Variants in MICU1 observed in about 807,000 individuals in gnomAD.
MICU1 encodes calcium uptake protein 1, mitochondrial.
MICU1 carries 45 observed loss-of-function variants against 56.8 expected under a neutral mutation model. The ratio of observed to expected loss-of-function variants is 0.79; its 90% confidence interval spans 0.62 to 1.02. The LOEUF is 1.02. Among genes scored for constraint, MICU1 ranks in the 50% least tolerant of loss-of-function variants. MICU1 has a pLI of 0.00. For synonymous variants in MICU1, 186 were observed against 195.1 expected (o/e 0.95, Z 0.39); for missense variants, 504 against 587.1 (o/e 0.86, Z 1.46).
intron 3 of MICU1, among the ~76,000 whole-genome samples, chr10:72,558,065 G>A (rs2132457985): frequency 6.6e-6 from 1 of 152,300 alleles, no homozygotes; most frequent in Admixed American, 6.5e-5. Context: ...TGCAGGCAAA[G>A]CTATCAGAAA....
At chr10:72,496,709 T>C (rs891686724) in intron 6 of MICU1, among the ~76,000 whole-genome samples, 1 of 152,310 alleles carries the variant, frequency 6.6e-6, no homozygotes, top group Admixed American at 6.5e-5. Context: ...GTGCTGGGAT[T>C]ACAGGCGTGA....
intron 10 of MICU1, among the ~76,000 whole-genome samples, chr10:72,399,183 A>C (rs1863365837): frequency 6.6e-6 from 1 of 152,172 alleles, no homozygotes; most frequent in Non-Finnish European, 1.5e-5. Flanking sequence ...AAAGATGGAA[A>C]CCATCATTCT....
chr10:72,585,994 ATTTTTTCTTTTT>A (rs1206044452), intron 1 of MICU1, among the ~76,000 whole-genome samples: 109 of 100,176 alleles, frequency 1.1e-3, no homozygotes, highest in African/African-American at 3.2e-3. Context: ...TATTGTTTTT[ATTTTTTCTTTTT>A]TTTTTTCTTT....
intron 1 of MICU1, among the ~76,000 whole-genome samples, chr10:72,619,505 A>G (rs1398064258): frequency 6.6e-6 from 1 of 152,152 alleles, no homozygotes; most frequent in African/African-American, 2.4e-5. Context: ...TATTCACCAA[A>G]CATGCTCTGA....
chr10:72,602,597 T>C (rs3009540), intron 1 of MICU1, among the ~76,000 whole-genome samples: 100,525 of 152,020 alleles, frequency 0.66, 34,256 homozygotes, highest in African/African-American at 0.74. Context: ...ATAAAAGTTT[T>C]GACTAAGCCA....
intron 7 of MICU1, among the ~76,000 whole-genome samples, chr10:72,476,214 G>A (rs1462593702): frequency 6.6e-5 from 8 of 121,398 alleles, no homozygotes; most frequent in Admixed American, 5.9e-4. Flanking sequence ...GTGACAGAGC[G>A]AGACTCCATC....
At chr10:72,590,847 TAA>T (rs71021512) in intron 1 of MICU1, among the ~76,000 whole-genome samples, 33 of 139,784 alleles carry the variant, frequency 2.4e-4, no homozygotes, top group Admixed American at 4.3e-4. Flanking sequence ...AAATAAAAAT[TAA>T]AAAAAAAAAA....
chr10:72,426,398 ATT>A (rs201257033), intron 8 of MICU1, among the ~76,000 whole-genome samples: 22 of 135,560 alleles, frequency 1.6e-4, no homozygotes, highest in Non-Finnish European at 2.4e-4. Flanking sequence ...AGCATTCTGG[ATT>A]TTTTTTTTTT....
intron 5 of MICU1, among the ~76,000 whole-genome samples, chr10:72,525,482 T>C (rs1218632186): frequency 6.6e-6 from 1 of 152,152 alleles, no homozygotes; most frequent in Non-Finnish European, 1.5e-5. Context: ...ACAGGACAAC[T>C]GAGACATGTG....
chr10:72,529,714 A>G (rs1476386253), intron 5 of MICU1, among the ~76,000 whole-genome samples: 3 of 152,176 alleles, frequency 2.0e-5, no homozygotes, highest in Non-Finnish European at 4.4e-5. Flanking sequence ...TCATGCAAAT[A>G]AAAGAGAGCA....
At chr10:72,560,173 T>TA (rs1331050440) in intron 3 of MICU1, 2 of 152,260 alleles carry the variant, frequency 1.3e-5, no homozygotes, top group African/African-American at 2.4e-5. Flanking sequence ...AAAAGGGGAT[T>TA]AAAAAATGCA....
chr10:72,566,323 G>A (rs1840438236), intron 2 of MICU1, among the ~76,000 whole-genome samples: 1 of 152,132 alleles, frequency 6.6e-6, no homozygotes, highest in African/African-American at 2.4e-5. Flanking sequence ...TGGGATTACA[G>A]GTGTAAGCCA....
At chr10:72,468,629 AAG>A (rs1865865328) in intron 8 of MICU1, among the ~76,000 whole-genome samples, 1 of 152,122 alleles carries the variant, frequency 6.6e-6, no homozygotes, top group Non-Finnish European at 1.5e-5. Flanking sequence ...TGAAAAAAAA[AAG>A]AGATCAGAAT....
At chr10:72,513,431 C>A (rs749221504) in intron 5 of MICU1, among the ~76,000 whole-genome samples, 1 of 152,074 alleles carries the variant, frequency 6.6e-6, no homozygotes, top group African/African-American at 2.4e-5. Flanking sequence ...GAGTTCTAAT[C>A]GAAGTTCTTT....
At chr10:72,586,045 C>T (rs1389470160) in intron 1 of MICU1, among the ~76,000 whole-genome samples, 3 of 82,466 alleles carry the variant, frequency 3.6e-5, no homozygotes, top group African/African-American at 9.8e-5. Flanking sequence ...GACAGGGTAT[C>T]GCTCTGTTGC....
chr10:72,445,396 A>T (rs1273969262), intron 8 of MICU1, among the ~76,000 whole-genome samples: 1 of 152,204 alleles, frequency 6.6e-6, no homozygotes, highest in Non-Finnish European at 1.5e-5. Context: ...TTATAGTCAC[A>T]CTTTAGCCCA....
At chr10:72,583,813 T>C (rs190265801) in intron 1 of MICU1, among the ~76,000 whole-genome samples, 1 of 152,332 alleles carries the variant, frequency 6.6e-6, no homozygotes, top group East Asian at 1.9e-4. Context: ...GACACTAGAA[T>C]GACTGCCAAA....
chr10:72,599,412 A>G (rs1173407050), intron 1 of MICU1, among the ~76,000 whole-genome samples: 1 of 152,184 alleles, frequency 6.6e-6, no homozygotes, highest in Non-Finnish European at 1.5e-5. Flanking sequence ...CTGAGTAGCA[A>G]GATGAAACCC....
intron 10 of MICU1, among the ~76,000 whole-genome samples, chr10:72,405,547 A>G (rs1162133947): frequency 6.7e-6 from 1 of 150,016 alleles, no homozygotes; most frequent in East Asian, 1.9e-4. Context: ...AGGATAAAAT[A>G]CTCTGACATA....
Sources: gnomAD v4.1 joint callset for allele counts (sites outside exome capture counted in the v4.1 genomes callset) on GRCh38, gnomAD v4.1.1 for gene constraint, MANE v1.5 for transcripts, NCBI Gene and HGNC (gene_info 2026-07-23, HGNC 2026-07-21) for gene names.